The following SLC37A3 variants were observed in gnomAD, a reference collection of about 807,000 sequenced individuals.
SLC37A3 encodes sugar phosphate exchanger 3.
A neutral mutation model predicts 67.1 loss-of-function variants in SLC37A3; 51 were observed. That is an observed-to-expected ratio of 0.76 (90% confidence interval 0.61 to 0.96). The LOEUF is 0.96. Among genes scored for constraint, SLC37A3 ranks in the 40% least tolerant of loss-of-function variants. The probability of loss-of-function intolerance (pLI) is 0.00; values close to 1 mark genes in which losing one functional copy is unlikely to be tolerated. For synonymous variants in SLC37A3, 214 were observed against 231.4 expected (o/e 0.92, Z 0.68); for missense variants, 508 against 603.0 (o/e 0.84, Z 1.65).
At chr7:140,376,676 T>C (rs1798043928) in intron 3 of SLC37A3, among the ~76,000 whole-genome samples, 1 of 152,158 alleles carries the variant, frequency 6.6e-6, no homozygotes. Flanking sequence ...AGAGGATGGA[T>C]GACAGGCCAA....
At chr7:140,393,340 C>T (rs561424204) in intron 1 of SLC37A3, among the ~76,000 whole-genome samples, 12 of 152,296 alleles carry the variant, frequency 7.9e-5, no homozygotes, top group Non-Finnish European at 1.3e-4. Flanking sequence ...ACACGTGCGC[C>T]GTCCTCACTG....
chr7:140,374,822 T>C (rs1395725087), intron 3 of SLC37A3, among the ~76,000 whole-genome samples: 1 of 152,054 alleles, frequency 6.6e-6, no homozygotes, highest in Non-Finnish European at 1.5e-5. Context: ...CATGCCACTG[T>C]ACTCCAGCCT....
intron 6 of SLC37A3, among the ~76,000 whole-genome samples, chr7:140,358,123 T>G: frequency 6.6e-6 from 1 of 151,898 alleles, no homozygotes. Context: ...AGGGAAAAAA[T>G]ACCCCATTTG....
intron 3 of SLC37A3, 114 bp from the exon 4 acceptor site, chr7:140,369,796 T>G: frequency 2.6e-6 from 2 of 762,246 alleles, no homozygotes; most frequent in South Asian, 3.3e-5. Flanking sequence ...AAGAACAACT[T>G]TTACTTCAAA....
chr7:140,341,486 C>T (rs535946585), intron 13 of SLC37A3, among the ~76,000 whole-genome samples: 17 of 152,162 alleles, frequency 1.1e-4, no homozygotes, highest in African/African-American at 3.1e-4. Flanking sequence ...CAGGGAAAGA[C>T]GGGGTAACAA....
intron 8 of SLC37A3, chr7:140,351,736 G>T: frequency 5.4e-6 from 3 of 557,146 alleles, no homozygotes; most frequent in Non-Finnish European, 6.4e-6. Flanking sequence ...CATTTTTATG[G>T]ATGAAAAGAA....
At chr7:140,344,857 T>C (rs1796491135) in intron 12 of SLC37A3, among the ~76,000 whole-genome samples, 1 of 152,216 alleles carries the variant, frequency 6.6e-6, no homozygotes, top group Non-Finnish European at 1.5e-5. Flanking sequence ...TGCTGACCAA[T>C]TCCAACACAG....
intron 1 of SLC37A3, among the ~76,000 whole-genome samples, chr7:140,387,602 G>A (rs546967742): frequency 2.1e-4 from 28 of 132,412 alleles, no homozygotes; most frequent in African/African-American, 7.7e-4. Flanking sequence ...GCAAAAGACT[G>A]AGACTCCATC....
rs202103610 is a variant in SLC37A3 at position 140,385,610 on chromosome 7, G to C, written c.-70-3014C>G. Among the ~76,000 whole-genome samples the C allele has an allele frequency of 1.1e-4, 17 of 152,234 alleles. No homozygotes were observed. In the East Asian group the frequency reaches 2.5e-3, roughly 22 times the overall value. On this transcript the variant is annotated intron_variant, in intron 1 of 14. Transcript: ENST00000326232. ...TTGAAATTACAGTACATTGGCAATA[G>C]AGCTGCATAACCTAGGGCTGTACAG...
At position 140,334,694 on chromosome 7, in the gene SLC37A3, AG is replaced by A. The variant is rs1245095893; in HGVS notation, c.*717del. ...ACTGATGTACCTTATGGTCCTTGAA[AG>A]GAAGACTCAATACTTCCAGGAGTCA... On this transcript the variant is annotated 3_prime_UTR_variant, in exon 15 of 15. Transcript: ENST00000326232. 2 of 157,868 alleles carry A rather than the reference AG, an allele frequency of 1.3e-5. No homozygotes were observed. Among genetic ancestry groups the A allele is most frequent in the Non-Finnish European group, 2.8e-5 (2 of 71,004 alleles). The allele number at this position is 157,868 out of a possible 1,614,324, so 9.8% of individuals were successfully genotyped here.
At chr7:140,386,308 A>C (rs1798447719) in intron 1 of SLC37A3, among the ~76,000 whole-genome samples, 1 of 151,904 alleles carries the variant, frequency 6.6e-6, no homozygotes, top group South Asian at 2.1e-4. Context: ...GGCCTCGGGG[A>C]ATCCTTCCGC....
At chr7:140,339,678 C>A (rs1308228757) in intron 13 of SLC37A3, among the ~76,000 whole-genome samples, 1 of 151,964 alleles carries the variant, frequency 6.6e-6, no homozygotes, top group African/African-American at 2.4e-5. Flanking sequence ...ATTTTGCATT[C>A]CCACCAGCAA....
chr7:140,354,143 C>T lies in SLC37A3; in HGVS notation c.618+1525G>A, dbSNP rs527456312. On this transcript the variant is annotated intron_variant, in intron 7 of 14. Coordinates refer to ENST00000326232, the MANE Select transcript of SLC37A3 (RefSeq NM_207113.3). The stretch of plus-strand genomic sequence containing the variant: ...GTTGAACTATGTCCCTGTTCGCTGA[C>T]AGTTGTGTTCACTCTTTGGCTATTA... 1.2e-4 allele frequency among the ~76,000 whole-genome samples: 19 copies of T among 152,324 alleles called. No homozygotes were observed. In the East Asian group the frequency reaches 3.7e-3, roughly 29 times the overall value.
At chr7:140,375,542 A>T (rs149363712) in intron 3 of SLC37A3, among the ~76,000 whole-genome samples, 30 of 152,310 alleles carry the variant, frequency 2.0e-4, no homozygotes, top group African/African-American at 7.2e-4. Context: ...ATTTTAAAGA[A>T]ACATCTTTAT....
At chr7:140,355,040 T>G (rs1228272462) in intron 7 of SLC37A3, among the ~76,000 whole-genome samples, 1 of 150,872 alleles carries the variant, frequency 6.6e-6, no homozygotes, top group East Asian at 2.0e-4. Context: ...CCACCATGCC[T>G]GACCCAGATT....
chr7:140,351,924 GC>G (rs761851283), intron 8 of SLC37A3, 137 bp downstream of exon 8: 1 of 860,860 alleles, frequency 1.2e-6, no homozygotes, highest in East Asian at 2.6e-5. Context: ...GACTCAAACG[GC>G]AGTACTGTTC....
chr7:140,378,722 C>T (rs1798128347), intron 3 of SLC37A3, among the ~76,000 whole-genome samples: 1 of 137,406 alleles, frequency 7.3e-6, no homozygotes, highest in South Asian at 2.3e-4. Flanking sequence ...GGCGATAGAG[C>T]AAGACTCCAT....
chr7:140,378,154 A>G (rs1798106375), intron 3 of SLC37A3, among the ~76,000 whole-genome samples: 2 of 152,318 alleles, frequency 1.3e-5, no homozygotes, highest in Middle Eastern at 3.4e-3. Flanking sequence ...ATTTTTCTGT[A>G]TATTGTTCAG....
At position 140,348,822 on chromosome 7, in the gene SLC37A3, C is replaced by A. The variant is rs142574786; in HGVS notation, c.883-55G>T. 1.4e-4 allele frequency: 223 copies of A among 1,585,674 alleles called. No individual in the cohort carries two copies. The African/African-American group carries it at 2.8e-3, about 20-fold the overall frequency. On this transcript the variant is annotated intron_variant, in intron 9 of 14. Transcript: ENST00000326232. The stretch of plus-strand genomic sequence containing the variant: ...GGGACAAATAGCACAGCACGACTAC[C>A]ATTTTTAATGTCATTTAAAAGCAAA...
Sources: allele counts gnomAD v4.1 joint callset (sites outside exome capture counted in the v4.1 genomes callset), GRCh38; gene constraint gnomAD v4.1.1; transcripts MANE v1.5; gene names NCBI Gene and HGNC (gene_info 2026-07-23, HGNC 2026-07-21).